Variants in PRKG1 observed in about 807,000 individuals in gnomAD.
The protein encoded by PRKG1 is protein kinase cGMP-dependent 1.
In PRKG1, 35 loss-of-function variants were observed where a neutral mutation model predicts 88.1. The ratio of observed to expected loss-of-function variants is 0.40; its 90% CI spans 0.30 to 0.53. The LOEUF (loss-of-function observed/expected upper bound fraction) is 0.53. Among genes scored for constraint, PRKG1 ranks in the 20% least tolerant of loss-of-function variants. PRKG1 has a pLI of 0.59. For synonymous variants in PRKG1, 303 were observed against 292.5 expected (o/e 1.04, Z -0.37); for missense variants, 540 against 839.8 (o/e 0.64, Z 4.41).
At chr10:52,255,582 G>A (rs559007885) in intron 10 of PRKG1, among the ~76,000 whole-genome samples, 2 of 152,052 alleles carry the variant, frequency 1.3e-5, no homozygotes, top group African/African-American at 2.4e-5. Flanking sequence ...TATATGTAGT[G>A]AGCTCTATGA....
intron 13 of PRKG1, 41 bp from the exon 14 acceptor site, chr10:52,282,112 T>C (rs763076442): frequency 6.7e-7 from 1 of 1,501,328 alleles, no homozygotes; most frequent in Non-Finnish European, 9.0e-7. Context: ...TAAAACTTAA[T>C]CATAAGGAGC....
At chr10:51,418,050 TG>T (rs1261794826) in intron 2 of PRKG1, among the ~76,000 whole-genome samples, 1 of 152,186 alleles carries the variant, frequency 6.6e-6, no homozygotes, top group African/African-American at 2.4e-5. Context: ...TATTAGTAAA[TG>T]TTTATCGTTT....
chr10:51,973,264 C>T (rs1843752380), intron 5 of PRKG1, among the ~76,000 whole-genome samples: 1 of 152,182 alleles, frequency 6.6e-6, no homozygotes, highest in African/African-American at 2.4e-5. Flanking sequence ...CTACACTCAA[C>T]CTTGCTGTTA....
At position 51,127,083 on chromosome 10, in the gene PRKG1, G is replaced by A. The variant is rs192505094; in HGVS notation, c.312-26081G>A. Among the ~76,000 whole-genome samples the A allele has an allele frequency of 1.6e-3, 241 of 152,110 alleles. 2 individuals are homozygous for A. The highest frequency in any genetic ancestry group is 3.0e-3 in the Non-Finnish European group (204 of 67,978). On this transcript the variant is annotated intron_variant, in intron 1 of 17. Coordinates refer to ENST00000373980, the MANE Select transcript of PRKG1 (RefSeq NM_006258.4). ...ATTTCATGATGAAAACGCCAAAAAC[G>A]ATTGCAACAAAAGTCAAAATTGATA...
intron 4 of PRKG1, among the ~76,000 whole-genome samples, chr10:51,817,682 T>C (rs966541922): frequency 6.6e-6 from 1 of 152,160 alleles, no homozygotes; most frequent in African/African-American, 2.4e-5. Context: ...TATTTTTAAT[T>C]TATGTTTCTA....
At chr10:51,160,144 T>C (rs1846323567) in intron 2 of PRKG1, among the ~76,000 whole-genome samples, 1 of 152,206 alleles carries the variant, frequency 6.6e-6, no homozygotes, top group Non-Finnish European at 1.5e-5. Context: ...ACAAGTTAGC[T>C]TATAAGAGCC....
chr10:51,098,857 G>T (rs993249324), intron 1 of PRKG1, among the ~76,000 whole-genome samples: 1 of 152,044 alleles, frequency 6.6e-6, no homozygotes, highest in Non-Finnish European at 1.5e-5. Context: ...CTTCTTTAGC[G>T]AACTTTCCCT....
At chr10:51,068,803 A>G (rs929890470) in intron 1 of PRKG1, among the ~76,000 whole-genome samples, 12 of 152,014 alleles carry the variant, frequency 7.9e-5, no homozygotes, top group African/African-American at 2.7e-4. Context: ...GAGCAACTCT[A>G]ACTTATTTAT....
chr10:51,179,128 G>A (rs1484748944), intron 2 of PRKG1, among the ~76,000 whole-genome samples: 1 of 152,160 alleles, frequency 6.6e-6, no homozygotes, highest in Admixed American at 6.5e-5. Context: ...GTCAACCAGG[G>A]ATTATGAATA....
intron 3 of PRKG1, among the ~76,000 whole-genome samples, chr10:51,727,095 T>C (rs1480381472): frequency 1.3e-5 from 2 of 151,966 alleles, no homozygotes; most frequent in African/African-American, 2.4e-5. Flanking sequence ...GACATATTTT[T>C]ATGGACTTCT....
chr10:52,138,575 G>A (rs953380736), intron 8 of PRKG1, among the ~76,000 whole-genome samples: 4 of 151,990 alleles, frequency 2.6e-5, no homozygotes, highest in Non-Finnish European at 4.4e-5. Context: ...GATTTATACA[G>A]CACACATGGC....
At chr10:51,510,483 A>G (rs1401760661) in intron 3 of PRKG1, among the ~76,000 whole-genome samples, 1 of 152,068 alleles carries the variant, frequency 6.6e-6, no homozygotes, top group African/African-American at 2.4e-5. Context: ...GTTTATACTT[A>G]CCAAAAGTAT....
chr10:52,010,278 A>T (rs1844847524), intron 5 of PRKG1, among the ~76,000 whole-genome samples: 1 of 152,210 alleles, frequency 6.6e-6, no homozygotes, highest in Non-Finnish European at 1.5e-5. Flanking sequence ...TATGCATCTG[A>T]CAAATGTCTA....
intron 3 of PRKG1, among the ~76,000 whole-genome samples, chr10:51,613,831 T>G (rs1838975759): frequency 6.6e-6 from 1 of 151,964 alleles, no homozygotes; most frequent in South Asian, 2.1e-4. Flanking sequence ...TTTTATTCCC[T>G]TGTGGTCTGA....
chr10:51,428,140 T>A (rs1170270083), intron 2 of PRKG1, among the ~76,000 whole-genome samples: 1 of 152,206 alleles, frequency 6.6e-6, no homozygotes, highest in African/African-American at 2.4e-5. Flanking sequence ...CTGCTAGAAC[T>A]TCTATCGCAT....
intron 2 of PRKG1, among the ~76,000 whole-genome samples, chr10:51,345,853 G>T (rs1842102273): frequency 6.6e-6 from 1 of 152,212 alleles, no homozygotes; most frequent in Admixed American, 6.5e-5. Context: ...GCTACGGGAT[G>T]ATTCAAGTCT....
At chr10:51,088,994 G>A (rs1480990536) in intron 1 of PRKG1, among the ~76,000 whole-genome samples, 1 of 152,074 alleles carries the variant, frequency 6.6e-6, no homozygotes, top group African/African-American at 2.4e-5. Flanking sequence ...TGGATTGCCT[G>A]TGCTCCAAAT....
At chr10:52,218,485 A>G (rs994915294) in intron 9 of PRKG1, among the ~76,000 whole-genome samples, 1 of 152,180 alleles carries the variant, frequency 6.6e-6, no homozygotes, top group Non-Finnish European at 1.5e-5. Context: ...AACCTTATCA[A>G]GTATGACCCA....
chr10:52,031,496 T>C (rs570554363), intron 5 of PRKG1, among the ~76,000 whole-genome samples: 9 of 152,326 alleles, frequency 5.9e-5, no homozygotes, highest in African/African-American at 1.9e-4. Context: ...GAAAGATCTT[T>C]ATAAATTGTA....
Sources: allele counts gnomAD v4.1 joint callset (sites outside exome capture counted in the v4.1 genomes callset), GRCh38; gene constraint gnomAD v4.1.1; transcripts MANE v1.5; gene names NCBI Gene and HGNC (gene_info 2026-07-23, HGNC 2026-07-21).